CACNA1A: variants seen among roughly 807,000 people sequenced by gnomAD.
CACNA1A encodes calcium voltage-gated channel subunit alpha1 A, also known as voltage-dependent P/Q-type calcium channel subunit alpha-1A.
CACNA1A carries 57 observed loss-of-function variants against 262.4 expected under a neutral mutation model. That is an observed-to-expected ratio of 0.22 (90% CI 0.18 to 0.27). The LOEUF (loss-of-function observed/expected upper bound fraction) is 0.27, where lower values mean the gene tolerates loss of function less well. CACNA1A is among the 10% of genes least tolerant of loss of function. The probability of loss-of-function intolerance (pLI) is 1.00; values close to 1 mark genes in which losing one functional copy is unlikely to be tolerated. For missense variants in CACNA1A, 2,526 were observed against 3,562.8 expected, an observed-to-expected ratio of 0.71 and a Z score of 7.41; for synonymous variants, 1,431 against 1,419.3, an observed-to-expected ratio of 1.01 and a Z score of -0.18.
At chr19:13,414,873 G>T (rs1396153724) in intron 3 of CACNA1A, among the ~76,000 whole-genome samples, 1 of 152,098 alleles carries the variant, frequency 6.6e-6, no homozygotes, top group African/African-American at 2.4e-5. Context: ...TGAGGGGGGA[G>T]GATCGCCTGA....
chr19:13,402,973 G>A (rs973783025), intron 3 of CACNA1A, among the ~76,000 whole-genome samples: 10 of 142,142 alleles, frequency 7.0e-5, no homozygotes, highest in Middle Eastern at 3.7e-3. Flanking sequence ...AATATGTGCC[G>A]ACATCTAGAT....
Position 13,506,118 on chromosome 19 carries a change from C to T in CACNA1A, c.107G>A (p.Ser36Asn). ...CGCCCCGGGCTGCCCGCCCTGCCGGCTGCCCCCGGCTCCTCGCCCGCCTCC... is the reference window on the plus strand; with the variant it reads ...CGCCCCGGGCTGCCCGCCCTGCCGGTTGCCCCCGGCTCCTCGCCCGCCTCC... ...GSGGGRGAGG[S>N]RQGGQPGAQR... The change falls in exon 1 of 47, where the codon AGC (serine) becomes AAC (asparagine). Residue 36 changes from serine to asparagine, a missense_variant. Transcript: ENST00000360228. The T allele has an allele frequency of 6.2e-7, 1 of 1,608,976 alleles. No homozygotes were observed. The highest frequency in any genetic ancestry group is 1.1e-5 in the South Asian group (1 of 90,564).
chr19:13,328,553 T>C (rs1190996772), intron 10 of CACNA1A, among the ~76,000 whole-genome samples: 2 of 152,214 alleles, frequency 1.3e-5, no homozygotes, highest in African/African-American at 2.4e-5. Context: ...AAACTCAGAA[T>C]GGCTCTTTGA....
At chr19:13,464,628 A>T (rs768974821) in intron 1 of CACNA1A, among the ~76,000 whole-genome samples, 3 of 149,332 alleles carry the variant, frequency 2.0e-5, no homozygotes, top group Non-Finnish European at 4.4e-5. Context: ...GGCTCACTGC[A>T]AGCTCCGCCT....
At chr19:13,391,538 G>T (rs1187572751) in intron 3 of CACNA1A, among the ~76,000 whole-genome samples, 19 of 152,136 alleles carry the variant, frequency 1.2e-4, no homozygotes, top group Non-Finnish European at 1.5e-5. Flanking sequence ...ACCCCATAAG[G>T]TGGTGAGGTA....
At chr19:13,302,068 G>A (rs2057799131) in intron 17 of CACNA1A, among the ~76,000 whole-genome samples, 1 of 152,136 alleles carries the variant, frequency 6.6e-6, no homozygotes, top group Admixed American at 6.6e-5. Context: ...CCAAATTCAA[G>A]CAACTGGTAC....
intron 6 of CACNA1A, among the ~76,000 whole-genome samples, chr19:13,346,641 TATATATATATATATATATATATATA>T (rs1285230569): frequency 0.37 from 5,537 of 14,930 alleles, 374 homozygotes; most frequent in Non-Finnish European, 0.43. Context: ...TATATATATA[TATATATATATATATATATATATATA>T]TTTTTTTTTT....
chr19:13,382,349 C>G (rs1440060476), intron 3 of CACNA1A, among the ~76,000 whole-genome samples: 1 of 152,128 alleles, frequency 6.6e-6, no homozygotes, highest in East Asian at 1.9e-4. Context: ...TTGTTCAAGC[C>G]TCGGAAATGC....
At chr19:13,278,851 C>A (rs529637870) in intron 22 of CACNA1A, among the ~76,000 whole-genome samples, 1 of 152,168 alleles carries the variant, frequency 6.6e-6, no homozygotes, top group African/African-American at 2.4e-5. Flanking sequence ...GAATCAGAGA[C>A]CAGAGTGCCT....
intron 24 of CACNA1A, among the ~76,000 whole-genome samples, chr19:13,264,320 C>T (rs2144779863): frequency 1.3e-5 from 2 of 152,300 alleles, no homozygotes; most frequent in South Asian, 4.1e-4. Flanking sequence ...CCTTCCTTAA[C>T]ATCCCGCCAT....
intron 3 of CACNA1A, among the ~76,000 whole-genome samples, chr19:13,424,848 A>C (rs2060374521): frequency 6.6e-6 from 1 of 152,066 alleles, no homozygotes; most frequent in Non-Finnish European, 1.5e-5. Context: ...CCTGTCACCC[A>C]GGCTGGAGTG....
chr19:13,298,658 T>A lies in CACNA1A; in HGVS notation c.2975A>T (p.Glu992Val), dbSNP rs16023. The A allele has an allele frequency of 0.14, 214,676 of 1,502,488 alleles. 15,900 individuals carry two copies. The highest frequency in any genetic ancestry group is 0.2 in the Middle Eastern group (1,162 of 5,792). The allele number at this position is 1,502,488 out of a possible 1,614,324, so 93.1% of individuals were successfully genotyped here. The change falls in exon 19 of 47, where the codon GAG becomes GTG. Residue 992 changes from glutamate to valine, a missense_variant. Transcript: ENST00000360228. ...CTCGCCCCCGTCGGGGCCCTCGCCC[T>A]CGCCCTCGCCGCCCCGGGCCGGCCG... ...GSRPARGGEGEGEGPDGGERR... is the reference protein window; with the variant it reads ...GSRPARGGEGVGEGPDGGERR...
rs1450639217 is a variant in CACNA1A at position 13,214,434 on chromosome 19, C to T, written c.5839+67G>A. 1.3e-6 allele frequency: 2 copies of T among 1,535,554 alleles called. No individual in the cohort carries two copies. The highest frequency in any genetic ancestry group is 1.8e-6 in the Non-Finnish European group (2 of 1,114,050). ...AGCCCAGGCCAACACTCTCCCCAGG[C>T]CTCCCCTTTCCCTCCCCCTCCATCT... On this transcript the variant is annotated intron_variant, in intron 39 of 46. Transcript: ENST00000360228. This position sits in a 1 kb window ranked among gnomAD's most constrained non-coding sequence, Gnocchi z 4.1.
At chr19:13,492,226 A>G (rs1980975108) in intron 1 of CACNA1A, among the ~76,000 whole-genome samples, 1 of 152,184 alleles carries the variant, frequency 6.6e-6, no homozygotes, top group African/African-American at 2.4e-5. Flanking sequence ...AAACTTGCTC[A>G]ATCCCTCAAA....
intron 1 of CACNA1A, among the ~76,000 whole-genome samples, chr19:13,466,202 G>A (rs1255910443): frequency 2.0e-5 from 3 of 148,754 alleles, no homozygotes. Flanking sequence ...TTCCATTTTG[G>A]TTTTGCTTTT....
intron 6 of CACNA1A, among the ~76,000 whole-genome samples, chr19:13,357,114 A>G (rs1327006875): frequency 6.6e-6 from 1 of 152,120 alleles, no homozygotes; most frequent in Non-Finnish European, 1.5e-5. Flanking sequence ...CCTACTCCCA[A>G]CTAAAACGGG....
At chr19:13,329,421 T>C (rs1225764478) in intron 10 of CACNA1A, among the ~76,000 whole-genome samples, 1 of 152,092 alleles carries the variant, frequency 6.6e-6, no homozygotes, top group African/African-American at 2.4e-5. Flanking sequence ...TGTGTAATTC[T>C]CTGTTTAATT....
intron 31 of CACNA1A, among the ~76,000 whole-genome samples, chr19:13,240,745 G>GTGTC (rs1157241938): frequency 1.4e-5 from 1 of 70,828 alleles, no homozygotes. Flanking sequence ...ACTGCGTGCA[G>GTGTC]CGTCTGTGTG....
chr19:13,347,498 C>T (rs1344418503), intron 6 of CACNA1A, among the ~76,000 whole-genome samples: 4 of 152,136 alleles, frequency 2.6e-5, no homozygotes, highest in South Asian at 2.1e-4. Context: ...AACTACAGCC[C>T]GCGGGCCAGC....
Sources: gnomAD v4.1 joint callset for allele counts (sites outside exome capture counted in the v4.1 genomes callset) on GRCh38, gnomAD v4.1.1 for gene constraint, Gnocchi (gnomAD v3.1) non-coding constraint, MANE v1.5 for transcripts, NCBI Gene and HGNC (gene_info 2026-07-23, HGNC 2026-07-21) for gene names.